Variants in BBS9 observed in about 807,000 individuals in gnomAD.
BBS9 encodes protein PTHB1.
BBS9 carries 89 observed loss-of-function variants against 117.7 expected under a neutral mutation model. The observed-to-expected ratio is 0.76, with a 90% CI of 0.64 to 0.90. BBS9 has a LOEUF of 0.90. Ranked by LOEUF, BBS9 falls within the 40% of genes least tolerant of loss-of-function variation. The pLI is 0.00. For missense variants in BBS9, 982 were observed against 1,042.2 expected (o/e 0.94, Z 0.80); for synonymous variants, 379 against 370.9 (o/e 1.02, Z -0.25).
At chr7:33,419,779 T>G (rs1832579040) in intron 19 of BBS9, among the ~76,000 whole-genome samples, 1 of 152,198 alleles carries the variant, frequency 6.6e-6, no homozygotes, top group African/African-American at 2.4e-5. Context: ...GAGAGATTAC[T>G]GATAATTGCA....
rs191081510 is a variant in BBS9 at position 33,626,413 on chromosome 7, A to C, written c.2522-8764A>C. On this transcript the variant is annotated intron_variant, in intron 21 of 21. Transcript: ENST00000671952. ...TACCAGGAATGGGGCATTGCCATAA[A>C]GGTACCTGAAAATGTGGAAGCAACT... Among the ~76,000 whole-genome samples, 385 of 152,370 alleles carry C rather than the reference A, an allele frequency of 2.5e-3. 3 individuals are homozygous for C. The highest frequency in any genetic ancestry group is 8.6e-3 in the African/African-American group (359 of 41,590).
chr7:33,225,930 T>C (rs1286711563), intron 5 of BBS9, among the ~76,000 whole-genome samples: 1 of 152,244 alleles, frequency 6.6e-6, no homozygotes, highest in Admixed American at 6.5e-5. Flanking sequence ...TACATACATA[T>C]ATGTACACAT....
intron 10 of BBS9, among the ~76,000 whole-genome samples, chr7:33,340,284 A>G (rs1816238807): frequency 6.6e-6 from 1 of 152,150 alleles, no homozygotes; most frequent in East Asian, 1.9e-4. Flanking sequence ...ACATTGTACT[A>G]CATCTTGCTT....
chr7:33,159,305 G>T (rs1794507171), intron 4 of BBS9, among the ~76,000 whole-genome samples: 1 of 152,122 alleles, frequency 6.6e-6, no homozygotes, highest in South Asian at 2.1e-4. Flanking sequence ...CTGAGAAATA[G>T]CAGAACAGTG....
intron 9 of BBS9, among the ~76,000 whole-genome samples, chr7:33,318,259 C>G (rs980931374): frequency 2.0e-5 from 3 of 152,166 alleles, no homozygotes; most frequent in Admixed American, 2.0e-4. Flanking sequence ...TTTCTTTGCT[C>G]TTGCCACTCT....
chr7:33,601,087 T>C (rs969597062), intron 21 of BBS9, among the ~76,000 whole-genome samples: 6 of 152,174 alleles, frequency 3.9e-5, no homozygotes, highest in Non-Finnish European at 8.8e-5. Context: ...TCAATACATT[T>C]ACCCTTGCGA....
chr7:33,529,383 T>G (rs368763087), intron 20 of BBS9, among the ~76,000 whole-genome samples: 12 of 152,162 alleles, frequency 7.9e-5, no homozygotes, highest in African/African-American at 2.9e-4. Flanking sequence ...AGTGACACTT[T>G]CAGCAGGCTC....
Position 33,257,323 on chromosome 7 carries a change from G to C in BBS9, c.530G>C (p.Gly177Ala). ...TATGCTTTTGGAAGATTTCTCCCTGGCTTTCTTCTGCCTGGTCCTCTTGCC... is the reference window on the plus strand; with the variant it reads ...TATGCTTTTGGAAGATTTCTCCCTGCCTTTCTTCTGCCTGGTCCTCTTGCC... Reference protein sequence around the residue: ...ESYAFGRFLPGFLLPGPLAYS... With the variant: ...ESYAFGRFLPAFLLPGPLAYS... The change falls in exon 6 of 23, where the codon GGC becomes GCC. Residue 177 changes from glycine to alanine, a missense_variant. Coordinates refer to ENST00000242067, the MANE Select transcript of BBS9 (RefSeq NM_198428.3). The C allele has an allele frequency of 6.2e-7, 1 of 1,613,782 alleles. No homozygotes were observed. The highest frequency in any genetic ancestry group is 1.3e-5 in the African/African-American group (1 of 74,988).
At chr7:33,293,998 T>C (rs2128407006) in intron 9 of BBS9, among the ~76,000 whole-genome samples, 1 of 152,276 alleles carries the variant, frequency 6.6e-6, no homozygotes, top group East Asian at 1.9e-4. Context: ...GTGGGGCATC[T>C]TAAAGACTTT....
intron 19 of BBS9, among the ~76,000 whole-genome samples, chr7:33,492,221 A>AAAC (rs1844064600): frequency 6.7e-6 from 1 of 148,512 alleles, no homozygotes; most frequent in Admixed American, 6.7e-5. Flanking sequence ...AAACAAAAAA[A>AAAC]AAACAAAAAA....
chr7:33,458,994 G>A (rs1458915658), intron 19 of BBS9, among the ~76,000 whole-genome samples: 2 of 152,088 alleles, frequency 1.3e-5, no homozygotes, highest in African/African-American at 4.8e-5. Flanking sequence ...AAACACTAGG[G>A]CTTTTTTCTT....
At chr7:33,480,457 G>A (rs1007208562) in intron 19 of BBS9, among the ~76,000 whole-genome samples, 11 of 152,246 alleles carry the variant, frequency 7.2e-5, no homozygotes, top group Non-Finnish European at 1.2e-4. Flanking sequence ...GAATAGCGTA[G>A]GTAATAAATA....
At chr7:33,569,330 A>G (rs2700693) in intron 21 of BBS9, among the ~76,000 whole-genome samples, 74,148 of 151,898 alleles carry the variant, frequency 0.49, 22,240 homozygotes, top group African/African-American at 0.83. Context: ...TTAGAAGTAC[A>G]GAAGTGGGAA....
intron 21 of BBS9, among the ~76,000 whole-genome samples, chr7:33,615,205 C>G (rs557503767): frequency 1.3e-5 from 2 of 152,086 alleles, no homozygotes; most frequent in African/African-American, 4.8e-5. Flanking sequence ...CCAAGAAAAA[C>G]TTACAAGGCA....
intron 5 of BBS9, among the ~76,000 whole-genome samples, chr7:33,206,470 A>G (rs1050782420): frequency 6.6e-6 from 1 of 152,148 alleles, no homozygotes; most frequent in Non-Finnish European, 1.5e-5. Flanking sequence ...TAAAAATAAG[A>G]CGTAACTTTA....
In BBS9 at chr7:33,177,563, GA is replaced by G; in HGVS notation, c.415del (p.Thr139ProfsTer8). ...ATCTTCAGAGAACAGCCTGCAATAT[GA>G]CCTATGGATCATTTGGTGGTGTAAA... Reference protein sequence around the residue: ...HNLQRTACNMTYGSFGGVKGR... With the variant: ...HNLQRTACNMXYGSFGGVKGR... On this transcript the variant is annotated frameshift_variant, in exon 5 of 23. Coordinates refer to ENST00000242067, the MANE Select transcript of BBS9 (RefSeq NM_198428.3). LOFTEE classifies it high-confidence loss of function. 6.2e-7 allele frequency: 1 copy of G among 1,612,612 alleles called. No individual in the cohort carries two copies. The highest frequency in any genetic ancestry group is 8.5e-7 in the Non-Finnish European group (1 of 1,179,168).
chr7:33,154,059 C>T (rs1442621031), intron 3 of BBS9, among the ~76,000 whole-genome samples: 2 of 152,104 alleles, frequency 1.3e-5, no homozygotes, highest in Admixed American at 6.5e-5. Flanking sequence ...AGGAAGTTAA[C>T]GTTGTTAAGT....
intron 13 of BBS9, among the ~76,000 whole-genome samples, chr7:33,350,360 CT>C (rs869114317): frequency 8.4e-6 from 1 of 118,906 alleles, no homozygotes; most frequent in South Asian, 2.7e-4. Flanking sequence ...AGCCATTGAA[CT>C]TTTGCTTGCA....
At chr7:33,243,495 T>C (rs1794861036) in intron 5 of BBS9, among the ~76,000 whole-genome samples, 1 of 152,204 alleles carries the variant, frequency 6.6e-6, no homozygotes, top group South Asian at 2.1e-4. Context: ...ACTGCCTACT[T>C]GTCAGCAGAG....
Sources: gnomAD v4.1 joint callset for allele counts (sites outside exome capture counted in the v4.1 genomes callset) on GRCh38, gnomAD v4.1.1 for gene constraint, MANE v1.5 for transcripts, NCBI Gene and HGNC (gene_info 2026-07-23, HGNC 2026-07-21) for gene names.